Variants in MAF observed in about 807,000 individuals in gnomAD.
MAF encodes the protein MAF bZIP transcription factor.
A neutral mutation model predicts 22.0 loss-of-function variants in MAF; 10 were observed. That is an observed-to-expected ratio of 0.45 (90% CI 0.28 to 0.77). MAF has a LOEUF of 0.77. MAF is among the 30% of genes least tolerant of loss of function. The pLI is 0.12. For missense variants in MAF, 544 were observed against 548.4 expected, an observed-to-expected ratio of 0.99 and a Z score of 0.08; for synonymous variants, 337 against 255.8, an observed-to-expected ratio of 1.32 and a Z score of -3.03.
At chr16:79,448,422 A>ATTTGTT in the MAF span, among the ~76,000 whole-genome samples, 4 of 124,932 alleles carry the variant, frequency 3.2e-5, no homozygotes, top group Admixed American at 7.8e-5. Flanking sequence ...GTTTTGTTTT[A>ATTTGTT]TTTGTTTTTG....
chr16:79,272,113 C>T, the MAF span, among the ~76,000 whole-genome samples: 2 of 152,158 alleles, frequency 1.3e-5, no homozygotes, highest in Non-Finnish European at 2.9e-5. Flanking sequence ...AAACCTTTGC[C>T]TAGTGGGCAG....
the MAF span, among the ~76,000 whole-genome samples, chr16:79,517,270 C>T: frequency 6.6e-6 from 1 of 152,196 alleles, no homozygotes; most frequent in African/African-American, 2.4e-5. Context: ...AGCCTAGCAG[C>T]ACCAGAGAGT....
the MAF span, among the ~76,000 whole-genome samples, chr16:79,447,905 A>AAAAAAAAAAAGAAAAG: frequency 4.7e-5 from 4 of 85,808 alleles, no homozygotes; most frequent in African/African-American, 1.4e-4. Context: ...AAAAAAAAAA[A>AAAAAAAAAAAGAAAAG]AAAAGAAAAG....
At chr16:79,526,223 G>A in the MAF span, among the ~76,000 whole-genome samples, 1 of 152,116 alleles carries the variant, frequency 6.6e-6, no homozygotes, top group Non-Finnish European at 1.5e-5. Context: ...TTTTTCCATG[G>A]ATGGGTGTTG....
chr16:79,256,989 C>T, the MAF span, among the ~76,000 whole-genome samples: 1 of 151,984 alleles, frequency 6.6e-6, no homozygotes, highest in Non-Finnish European at 1.5e-5. Context: ...CCAGCCTGGC[C>T]AACATGATGA....
chr16:79,318,589 A>G, the MAF span, among the ~76,000 whole-genome samples: 49 of 152,350 alleles, frequency 3.2e-4, no homozygotes, highest in East Asian at 7.9e-3. Flanking sequence ...TTTACTGCTG[A>G]CAGCCCTTGG....
At chr16:79,439,650 T>C in the MAF span, among the ~76,000 whole-genome samples, 2 of 152,214 alleles carry the variant, frequency 1.3e-5, no homozygotes, top group Non-Finnish European at 2.9e-5. Flanking sequence ...CAGTCTGCTC[T>C]GCTCCATTGG....
chr16:79,343,803 A>G, the MAF span, among the ~76,000 whole-genome samples: 35 of 152,290 alleles, frequency 2.3e-4, no homozygotes, highest in African/African-American at 8.4e-4. Flanking sequence ...GAAAATTTCT[A>G]AATGGTTTAT....
the MAF span, among the ~76,000 whole-genome samples, chr16:79,258,421 C>A: frequency 3.3e-5 from 5 of 152,216 alleles, no homozygotes; most frequent in Non-Finnish European, 7.3e-5. Flanking sequence ...ACAAATGGAG[C>A]TGCATCAGCA....
the MAF span, chr16:79,516,169 C>T: frequency 1.3e-5 from 2 of 152,112 alleles, no homozygotes; most frequent in East Asian, 1.9e-4. Flanking sequence ...GTAAGACCCT[C>T]GAACAGGTCC....
chr16:79,275,080 G>T, the MAF span, among the ~76,000 whole-genome samples: 1 of 152,210 alleles, frequency 6.6e-6, no homozygotes, highest in African/African-American at 2.4e-5. Context: ...TAGAGGCCGG[G>T]TGTGGTGGCT....
At chr16:79,319,809 C>A in the MAF span, among the ~76,000 whole-genome samples, 4 of 152,196 alleles carry the variant, frequency 2.6e-5, no homozygotes, top group African/African-American at 7.2e-5. Flanking sequence ...GGGAGAGAAA[C>A]AATGACCACA....
chr16:79,519,606 G>A, the MAF span, among the ~76,000 whole-genome samples: 1 of 152,164 alleles, frequency 6.6e-6, no homozygotes, highest in Non-Finnish European at 1.5e-5. Flanking sequence ...CCATCCACTG[G>A]CCCTTGGAGA....
the MAF span, among the ~76,000 whole-genome samples, chr16:79,413,335 C>T: frequency 2.5e-4 from 36 of 142,772 alleles, no homozygotes; most frequent in South Asian, 1.4e-3. Context: ...CTCCGCCTCC[C>T]GGGTTCACGC....
At chr16:79,493,817 A>T in the MAF span, among the ~76,000 whole-genome samples, 1 of 152,102 alleles carries the variant, frequency 6.6e-6, no homozygotes, top group South Asian at 2.1e-4. Flanking sequence ...ACAAGTTCCA[A>T]GGAAAGACTT....
chr16:79,544,878 G>A, the MAF span, among the ~76,000 whole-genome samples: 1 of 151,968 alleles, frequency 6.6e-6, no homozygotes. Flanking sequence ...TGGTAAAACT[G>A]AAATCACAGA....
chr16:79,585,752 C>A (rs532331865), downstream of MAF: 297 of 565,934 alleles, frequency 5.2e-4, 2 homozygotes, highest in African/African-American at 5.2e-3. Context: ...GAAACAGGAA[C>A]TTTTCACACC....
the MAF span, among the ~76,000 whole-genome samples, chr16:79,349,760 A>G: frequency 6.6e-6 from 1 of 152,312 alleles, no homozygotes; most frequent in Admixed American, 6.5e-5. Flanking sequence ...TGTCTTGTCC[A>G]AGATCCTCCT....
chr16:79,596,106 C>T (rs1304117565), intron 1 of MAF: 10 of 1,062,006 alleles, frequency 9.4e-6, no homozygotes, highest in East Asian at 5.1e-5. Flanking sequence ...ACCTCTGATG[C>T]GCCATATTTG....
Sources: allele counts gnomAD v4.1 joint callset (sites outside exome capture counted in the v4.1 genomes callset), GRCh38; gene constraint gnomAD v4.1.1; transcripts MANE v1.5; gene names NCBI Gene and HGNC (gene_info 2026-07-23, HGNC 2026-07-21).